Variants in XRCC5 observed in about 807,000 individuals in gnomAD.
XRCC5 encodes the protein DNA repair protein Ku80.
A neutral mutation model predicts 95.7 loss-of-function variants in XRCC5; 12 were observed. The ratio of observed to expected loss-of-function variants is 0.13; its 90% CI spans 0.08 to 0.20. XRCC5 has a LOEUF of 0.20. Ranked by LOEUF, XRCC5 falls within the 10% of genes least tolerant of loss-of-function variation. XRCC5 has a pLI of 1.00. For missense variants in XRCC5, 595 were observed against 873.9 expected, an observed-to-expected ratio of 0.68 and a Z score of 4.02; for synonymous variants, 281 against 290.3, an observed-to-expected ratio of 0.97 and a Z score of 0.33.
chr2:216,148,373 T>A, intron 14 of XRCC5, 97 bp downstream of exon 14: 1 of 1,162,752 alleles, frequency 8.6e-7, no homozygotes, highest in Non-Finnish European at 1.2e-6. Context: ...GTCTATGGAA[T>A]TTAAAAGGTG....
intron 16 of XRCC5, among the ~76,000 whole-genome samples, chr2:216,182,264 T>C (rs1391749880): frequency 6.6e-6 from 1 of 152,212 alleles, no homozygotes; most frequent in African/African-American, 2.4e-5. Flanking sequence ...TTGGATCCCA[T>C]TGCCAGATTG....
At chr2:216,115,151 CCTTG>C in intron 2 of XRCC5, among the ~76,000 whole-genome samples, 2 of 145,392 alleles carry the variant, frequency 1.4e-5, no homozygotes, top group African/African-American at 5.2e-5. Flanking sequence ...CTGCTTTAAA[CCTTG>C]CTTATGTCTG....
chr2:216,110,601 T>C (rs1303473736), intron 1 of XRCC5: 1 of 152,206 alleles, frequency 6.6e-6, no homozygotes. Context: ...TTCTCAGTTT[T>C]CTTACTGCTG....
At chr2:216,205,094 T>A (rs1167976334) in intron 20 of XRCC5, 94 bp from the exon 21 acceptor site, 2 of 1,470,542 alleles carry the variant, frequency 1.4e-6, no homozygotes, top group Non-Finnish European at 1.9e-6. Flanking sequence ...TGCCTTCCAA[T>A]GTAGAGTCAT....
At chr2:216,201,029 C>T (rs901425876) in intron 19 of XRCC5, among the ~76,000 whole-genome samples, 1 of 152,180 alleles carries the variant, frequency 6.6e-6, no homozygotes, top group African/African-American at 2.4e-5. Flanking sequence ...TGAGACTCAA[C>T]AACCCCTAAG....
At chr2:216,109,744 C>G (rs948479084) in intron 1 of XRCC5, among the ~76,000 whole-genome samples, 3 of 151,628 alleles carry the variant, frequency 2.0e-5, no homozygotes, top group African/African-American at 7.3e-5. Context: ...CACCTGCCTC[C>G]CCACCCGCCT....
intron 19 of XRCC5, among the ~76,000 whole-genome samples, chr2:216,197,035 A>AT (rs1247302790): frequency 8.5e-5 from 13 of 152,244 alleles, no homozygotes; most frequent in Non-Finnish European, 1.8e-4. Flanking sequence ...GACCTAAAAA[A>AT]GCTTGTGTTT....
At chr2:216,140,511 G>GT (rs1264921072) in intron 12 of XRCC5, among the ~76,000 whole-genome samples, 7 of 152,176 alleles carry the variant, frequency 4.6e-5, no homozygotes, top group Non-Finnish European at 8.8e-5. Flanking sequence ...AGGAGCACTT[G>GT]TTTTTTATTA....
rs1491078330 is a variant in XRCC5 at position 216,160,681 on chromosome 2, TAA to T, written c.1764+521_1764+522del. On this transcript the variant is annotated intron_variant, in intron 15 of 20. Transcript: ENST00000392132. ...ATACTACCTTAATTAATTAATTAATTAATTAATTAATTTTTATATCTTGGTCA... is the reference window on the plus strand; with the variant it reads ...ATACTACCTTAATTAATTAATTAATTTTAATTAATTTTTATATCTTGGTCA... Among the ~76,000 whole-genome samples, 284 of 151,880 alleles carry T rather than the reference TAA, an allele frequency of 1.9e-3. 1 individual carries two copies. The highest frequency in any genetic ancestry group is 6.2e-3 in the African/African-American group (255 of 41,324).
chr2:216,195,209 AG>A (rs1689692045), intron 19 of XRCC5, among the ~76,000 whole-genome samples: 2 of 152,132 alleles, frequency 1.3e-5, no homozygotes, highest in Non-Finnish European at 2.9e-5. Flanking sequence ...CTGTAATCCC[AG>A]CTTCAGTACC....
At chr2:216,149,804 G>A (rs1173114390) in intron 14 of XRCC5, among the ~76,000 whole-genome samples, 1 of 152,082 alleles carries the variant, frequency 6.6e-6, no homozygotes, top group African/African-American at 2.4e-5. Flanking sequence ...TGGTCCTGCT[G>A]GGCACTCTTC....
chr2:216,204,781 ACTT>A (rs1689911553), intron 20 of XRCC5, among the ~76,000 whole-genome samples: 1 of 152,228 alleles, frequency 6.6e-6, no homozygotes, highest in East Asian at 1.9e-4. Flanking sequence ...TAAAAGGGCT[ACTT>A]CTTAAATGTT....
intron 1 of XRCC5, chr2:216,111,360 A>C (rs918557375): frequency 3.6e-5 from 16 of 447,250 alleles, no homozygotes; most frequent in African/African-American, 3.1e-4. Context: ...CAACTCTACA[A>C]AAAAAATTTA....
At chr2:216,151,875 G>A (rs1026838507) in intron 14 of XRCC5, among the ~76,000 whole-genome samples, 1 of 152,158 alleles carries the variant, frequency 6.6e-6, no homozygotes, top group Non-Finnish European at 1.5e-5. Flanking sequence ...AAAGGAAAGA[G>A]GTTTGATTGA....
intron 11 of XRCC5, among the ~76,000 whole-genome samples, chr2:216,137,687 T>C (rs1255977778): frequency 6.6e-6 from 1 of 152,178 alleles, no homozygotes; most frequent in Non-Finnish European, 1.5e-5. Context: ...AACGGTTTAT[T>C]TAGGGCTCTC....
chr2:216,183,513 T>G (rs34866508), intron 16 of XRCC5, among the ~76,000 whole-genome samples: 11,272 of 152,218 alleles, frequency 0.074, 651 homozygotes, highest in Non-Finnish European at 0.1. Flanking sequence ...GTAAGAATAA[T>G]AATAATAATT....
chr2:216,194,479 G>A (rs1275226764), intron 18 of XRCC5, among the ~76,000 whole-genome samples: 1 of 152,222 alleles, frequency 6.6e-6, no homozygotes, highest in Non-Finnish European at 1.5e-5. Flanking sequence ...AGTGATCTGA[G>A]ATTTCTAAAG....
intron 10 of XRCC5, among the ~76,000 whole-genome samples, chr2:216,133,515 C>T (rs920099976): frequency 1.8e-4 from 27 of 152,294 alleles, no homozygotes; most frequent in South Asian, 1.2e-3. Flanking sequence ...TCTCTTTATG[C>T]AAAGAACATT....
chr2:216,115,971 A>G (rs893073890), intron 2 of XRCC5, among the ~76,000 whole-genome samples: 1 of 152,236 alleles, frequency 6.6e-6, no homozygotes, highest in African/African-American at 2.4e-5. Flanking sequence ...AAAGCTGTCA[A>G]AAGTGTAAAT....
Sources: allele counts gnomAD v4.1 joint callset (sites outside exome capture counted in the v4.1 genomes callset), GRCh38; gene constraint gnomAD v4.1.1; transcripts MANE v1.5; gene names NCBI Gene and HGNC (gene_info 2026-07-23, HGNC 2026-07-21).